The following NREP variants were observed in gnomAD, a reference collection of about 807,000 sequenced individuals.
NREP encodes neuronal regeneration related protein, also known as neuronal regeneration-related protein.
In NREP, 5 loss-of-function variants were observed where a neutral mutation model predicts 8.6. That is an observed-to-expected ratio of 0.58 (90% CI 0.30 to 1.22). The LOEUF (loss-of-function observed/expected upper bound fraction) is 1.22, where lower values mean the gene tolerates loss of function less well. NREP is among the 50% of genes most tolerant of loss of function. NREP has a pLI of 0.07. For synonymous variants in NREP, 27 were observed against 28.0 expected (o/e 0.96, Z 0.11); for missense variants, 86 against 82.5 (o/e 1.04, Z -0.17).
chr5:111,807,483 G>C (rs995583301), intron 2 of NREP, among the ~76,000 whole-genome samples: 20 of 152,032 alleles, frequency 1.3e-4, no homozygotes, highest in African/African-American at 4.6e-4. Flanking sequence ...AAACTTTATA[G>C]AAATATATTC....
At chr5:111,832,125 C>T (rs1361567699) in intron 2 of NREP, among the ~76,000 whole-genome samples, 1 of 152,082 alleles carries the variant, frequency 6.6e-6, no homozygotes, top group African/African-American at 2.4e-5. Context: ...AACTTTGTGG[C>T]AGTGGAGGTA....
chr5:111,871,995 T>C (rs937642445), intron 2 of NREP, among the ~76,000 whole-genome samples: 4 of 150,262 alleles, frequency 2.7e-5, no homozygotes, highest in Non-Finnish European at 5.9e-5. Context: ...CACATATGTA[T>C]AATCTTTCTG....
Position 111,790,275 on chromosome 5 carries a change from C to T in NREP, c.136-54768G>A, listed in dbSNP as rs563954593. Reference sequence around the variant, plus strand: ...TACATGAAAAACAAGAACTCCCATACCCTACTGGTGAGTCTTTAAGTCTGA... The same window carrying T: ...TACATGAAAAACAAGAACTCCCATATCCTACTGGTGAGTCTTTAAGTCTGA... On this transcript the variant is annotated intron_variant, in intron 2 of 3. Coordinates refer to the NREP transcript ENST00000395634. 1.5e-3 allele frequency among the ~76,000 whole-genome samples: 225 copies of T among 151,520 alleles called. 1 individual carries two copies. The highest frequency in any genetic ancestry group is 2.5e-3 in the Non-Finnish European group (173 of 67,904).
At chr5:111,950,727 T>C (rs1164576257) in intron 2 of NREP, among the ~76,000 whole-genome samples, 3 of 147,994 alleles carry the variant, frequency 2.0e-5, no homozygotes, top group Admixed American at 2.0e-4. Flanking sequence ...GACAAGCTCA[T>C]CAAAAAGTGG....
At chr5:111,952,647 G>A (rs150393001) in intron 2 of NREP, among the ~76,000 whole-genome samples, 145 of 152,134 alleles carry the variant, frequency 9.5e-4, no homozygotes, top group African/African-American at 1.3e-3. Context: ...CATTGAAATC[G>A]CAGTTTATGC....
chr5:111,776,063 A>G (rs2112877729), intron 2 of NREP, among the ~76,000 whole-genome samples: 1 of 152,348 alleles, frequency 6.6e-6, no homozygotes, highest in East Asian at 1.9e-4. Flanking sequence ...ACTGTCAGTA[A>G]GTATGAGGTG....
chr5:111,747,191 TC>T (rs1319401087), intron 2 of NREP, among the ~76,000 whole-genome samples: 1 of 152,156 alleles, frequency 6.6e-6, no homozygotes, highest in Non-Finnish European at 1.5e-5. Context: ...ATAAGTTTTA[TC>T]CATATAAATA....
intron 2 of NREP, among the ~76,000 whole-genome samples, chr5:111,938,487 C>G (rs1755743381): frequency 6.6e-6 from 1 of 152,072 alleles, no homozygotes; most frequent in Non-Finnish European, 1.5e-5. Context: ...TTTCAAGATT[C>G]ATTTTCTCCT....
chr5:111,760,060 G>A (rs1353750392), upstream of NREP, among the ~76,000 whole-genome samples: 4 of 152,180 alleles, frequency 2.6e-5, no homozygotes, highest in African/African-American at 7.2e-5. Flanking sequence ...GCAAAGTCAC[G>A]CAAAGATTGA....
chr5:111,757,555 T>A, upstream of NREP: 1 of 984,692 alleles, frequency 1.0e-6, no homozygotes. Context: ...GGAGCCAGAC[T>A]GCTTACTCGG....
chr5:111,974,193 G>A (rs1260188882), intron 2 of NREP, among the ~76,000 whole-genome samples: 1 of 152,130 alleles, frequency 6.6e-6, no homozygotes, highest in Admixed American at 6.5e-5. Flanking sequence ...CAATTATTCT[G>A]GGTCTGGTCA....
At chr5:111,904,258 C>T (rs1561719550) in intron 2 of NREP, among the ~76,000 whole-genome samples, 1 of 152,072 alleles carries the variant, frequency 6.6e-6, no homozygotes, top group African/African-American at 2.4e-5. Context: ...TGGTTTAACA[C>T]TGTTTGATGT....
At chr5:111,728,898 G>C (rs182931014), downstream of NREP, 1 of 143,776 alleles carries the variant, frequency 7.0e-6, no homozygotes, top group East Asian at 2.0e-4. Flanking sequence ...AGGGAGGTCA[G>C]ATCTCTTTTG....
chr5:111,741,203 G>A (rs377586858), intron 2 of NREP, among the ~76,000 whole-genome samples: 4 of 152,090 alleles, frequency 2.6e-5, no homozygotes, highest in Non-Finnish European at 4.4e-5. Flanking sequence ...AGGGCAGCAC[G>A]GGTCCAACCT....
intron 2 of NREP, among the ~76,000 whole-genome samples, chr5:111,890,487 T>C (rs984338343): frequency 1.3e-5 from 2 of 152,210 alleles, no homozygotes; most frequent in African/African-American, 4.8e-5. Flanking sequence ...ACTCTGTGTG[T>C]GGCCTACAAA....
At chr5:111,736,806 T>C (rs913859194) in intron 2 of NREP, among the ~76,000 whole-genome samples, 1 of 152,178 alleles carries the variant, frequency 6.6e-6, no homozygotes, top group African/African-American at 2.4e-5. Flanking sequence ...ATTAAACAAA[T>C]GAAGAAATTG....
chr5:111,811,637 A>G (rs1220429553), intron 2 of NREP, among the ~76,000 whole-genome samples: 1 of 152,186 alleles, frequency 6.6e-6, no homozygotes, highest in Non-Finnish European at 1.5e-5. Context: ...GGGTTTTGGA[A>G]GTATTCTGAG....
At chr5:111,968,374 A>G (rs900317147) in intron 2 of NREP, among the ~76,000 whole-genome samples, 1 of 152,238 alleles carries the variant, frequency 6.6e-6, no homozygotes, top group Non-Finnish European at 1.5e-5. Context: ...GGCTAAGTCC[A>G]TAACATTTCT....
At chr5:111,875,225 T>C (rs1753876173) in intron 2 of NREP, among the ~76,000 whole-genome samples, 2 of 152,120 alleles carry the variant, frequency 1.3e-5, no homozygotes, top group Admixed American at 1.3e-4. Context: ...TTCTAAAAGT[T>C]CCCTTAACTA....
Sources: allele counts gnomAD v4.1 joint callset (sites outside exome capture counted in the v4.1 genomes callset), GRCh38; gene constraint gnomAD v4.1.1; transcripts MANE v1.5; gene names NCBI Gene and HGNC (gene_info 2026-07-23, HGNC 2026-07-21).